Variants in LRRC37A2 observed in about 807,000 individuals in gnomAD.
LRRC37A2 encodes leucine rich repeat containing 37 member A2, also known as leucine-rich repeat-containing protein 37A2.
A neutral mutation model predicts 68.8 loss-of-function variants in LRRC37A2; 9 were observed. The observed-to-expected ratio is 0.13, with a 90% CI of 0.08 to 0.23. The LOEUF (loss-of-function observed/expected upper bound fraction) is 0.23. Among genes scored for constraint, LRRC37A2 ranks in the 10% least tolerant of loss-of-function variants. The pLI, the probability that LRRC37A2 is intolerant of heterozygous loss-of-function variation, is 1.00. For missense variants in LRRC37A2, 168 were observed against 950.4 expected, an observed-to-expected ratio of 0.18 and a Z score of 10.82; for synonymous variants, 63 against 367.6, an observed-to-expected ratio of 0.17 and a Z score of 9.48.
At chr17:46,792,607 G>A in the LRRC37A2 span, among the ~76,000 whole-genome samples, 1 of 152,078 alleles carries the variant, frequency 6.6e-6, no homozygotes, top group Admixed American at 6.6e-5. Flanking sequence ...CCGAGTAGCT[G>A]GGACTATAGG....
At chr17:46,818,379 G>A in the LRRC37A2 span, 9 of 791,276 alleles carry the variant, frequency 1.1e-5, no homozygotes, top group Non-Finnish European at 1.9e-5. Context: ...AAATCCAGGA[G>A]GGGTGGGCGG....
chr17:46,959,639 T>C, the LRRC37A2 span, among the ~76,000 whole-genome samples: 1 of 152,204 alleles, frequency 6.6e-6, no homozygotes, highest in Non-Finnish European at 1.5e-5. Context: ...TCATACCAAC[T>C]CCCATGGATA....
the LRRC37A2 span, among the ~76,000 whole-genome samples, chr17:46,844,133 T>C: frequency 6.6e-6 from 1 of 151,982 alleles, no homozygotes; most frequent in South Asian, 2.1e-4. Flanking sequence ...TTTTTTTTCT[T>C]TTTTGTATTA....
chr17:46,800,820 G>T, the LRRC37A2 span, among the ~76,000 whole-genome samples: 1 of 152,206 alleles, frequency 6.6e-6, no homozygotes, highest in African/African-American at 2.4e-5. Flanking sequence ...AAATAGATGT[G>T]CTCAGAAGGG....
At chr17:46,841,556 G>A in the LRRC37A2 span, among the ~76,000 whole-genome samples, 1 of 152,246 alleles carries the variant, frequency 6.6e-6, no homozygotes, top group Non-Finnish European at 1.5e-5. Context: ...GCGGGTTAAG[G>A]TGGGGGCGTG....
chr17:46,492,452 G>A, the LRRC37A2 span, among the ~76,000 whole-genome samples: 7 of 150,630 alleles, frequency 4.6e-5, no homozygotes, highest in African/African-American at 1.7e-4. Flanking sequence ...CTAGTTTGTG[G>A]CAGCTATGAA....
chr17:46,984,891 T>G, the LRRC37A2 span, among the ~76,000 whole-genome samples: 1 of 152,204 alleles, frequency 6.6e-6, no homozygotes, highest in Non-Finnish European at 1.5e-5. Context: ...AGTAAATAGA[T>G]GACCACTATA....
At chr17:46,878,863 C>A in the LRRC37A2 span, among the ~76,000 whole-genome samples, 1 of 152,222 alleles carries the variant, frequency 6.6e-6, no homozygotes, top group Non-Finnish European at 1.5e-5. Context: ...AACATGGACA[C>A]CCCAAGTCAA....
the LRRC37A2 span, among the ~76,000 whole-genome samples, chr17:46,725,646 A>G: frequency 1.3e-5 from 2 of 152,280 alleles, no homozygotes; most frequent in Non-Finnish European, 2.9e-5. Flanking sequence ...TAAGTCTTCA[A>G]TGGTTAAAAG....
At chr17:46,782,874 G>A in the LRRC37A2 span, among the ~76,000 whole-genome samples, 1 of 152,226 alleles carries the variant, frequency 6.6e-6, no homozygotes, top group Non-Finnish European at 1.5e-5. Flanking sequence ...TGCGGGTACT[G>A]AGCACAGGTC....
the LRRC37A2 span, chr17:47,027,487 C>G: frequency 1.3e-6 from 1 of 764,160 alleles, no homozygotes; most frequent in East Asian, 2.6e-5. Flanking sequence ...ATTCTAAACT[C>G]TTGCTATTAT....
At chr17:47,031,146 A>AATTTG in the LRRC37A2 span, among the ~76,000 whole-genome samples, 1 of 149,228 alleles carries the variant, frequency 6.7e-6, no homozygotes, top group Non-Finnish European at 1.5e-5. Flanking sequence ...TGGCCAAATT[A>AATTTG]GCAGGGTGAT....
chr17:46,517,298 C>T, intron 2 of LRRC37A2, 64 bp from the exon 2 acceptor site: 1 of 765,522 alleles, frequency 1.3e-6, no homozygotes, highest in South Asian at 2.7e-5. Flanking sequence ...TGCAATGATT[C>T]TTTTACTTAT....
chr17:46,460,796 A>AAG, the LRRC37A2 span, among the ~76,000 whole-genome samples: 1 of 98,876 alleles, frequency 1.0e-5, no homozygotes, highest in African/African-American at 3.8e-5. Context: ...AAGAGAGAGT[A>AAG]AGAGAGAGAG....
chr17:46,829,968 C>T, the LRRC37A2 span, among the ~76,000 whole-genome samples: 5 of 151,980 alleles, frequency 3.3e-5, no homozygotes, highest in Admixed American at 6.6e-5. Flanking sequence ...CATAGTTTAC[C>T]CAAAAAGCTC....
the LRRC37A2 span, among the ~76,000 whole-genome samples, chr17:46,943,610 C>T: frequency 4.6e-5 from 7 of 152,336 alleles, no homozygotes; most frequent in South Asian, 1.2e-3. Flanking sequence ...ATCCCGGGCA[C>T]GTAGTAGGCG....
chr17:46,740,032 T>A, the LRRC37A2 span, among the ~76,000 whole-genome samples: 1 of 152,164 alleles, frequency 6.6e-6, no homozygotes, highest in Non-Finnish European at 1.5e-5. Context: ...TTCCTCAAAG[T>A]TTCATAGGCC....
the LRRC37A2 span, among the ~76,000 whole-genome samples, chr17:46,988,280 T>C: frequency 6.6e-6 from 1 of 152,070 alleles, no homozygotes; most frequent in Non-Finnish European, 1.5e-5. Flanking sequence ...CCAGAAAAGG[T>C]AAATCCAAAG....
the LRRC37A2 span, among the ~76,000 whole-genome samples, chr17:46,760,329 A>G: frequency 1.3e-5 from 2 of 152,128 alleles, no homozygotes; most frequent in Admixed American, 6.5e-5. Flanking sequence ...ATATTTGGCA[A>G]TCTTATTGAT....
Sources: gnomAD v4.1 joint callset for allele counts (sites outside exome capture counted in the v4.1 genomes callset) on GRCh38, gnomAD v4.1.1 for gene constraint, MANE v1.5 for transcripts, NCBI Gene and HGNC (gene_info 2026-07-23, HGNC 2026-07-21) for gene names.